Variants in RAP1GDS1 observed in about 807,000 individuals in gnomAD.
RAP1GDS1 encodes RAP1, GTP-GDP dissociation stimulator 1.
A neutral mutation model predicts 71.1 loss-of-function variants in RAP1GDS1; 35 were observed. That is an observed-to-expected ratio of 0.49 (90% confidence interval 0.38 to 0.65). The LOEUF (loss-of-function observed/expected upper bound fraction) is 0.65, where lower values mean the gene tolerates loss of function less well. Ranked by LOEUF, RAP1GDS1 falls within the 30% of genes least tolerant of loss-of-function variation. The probability of loss-of-function intolerance (pLI) is 0.00; values close to 1 mark genes in which losing one functional copy is unlikely to be tolerated. For missense variants in RAP1GDS1, 663 were observed against 706.1 expected (o/e 0.94, Z 0.69); for synonymous variants, 229 against 243.1 (o/e 0.94, Z 0.54).
chr4:98,291,395 A>G (rs1253097361), intron 1 of RAP1GDS1, among the ~76,000 whole-genome samples: 1 of 152,194 alleles, frequency 6.6e-6, no homozygotes, highest in Non-Finnish European at 1.5e-5. Context: ...AGAGGCTGAC[A>G]AATTTTCATT....
chr4:98,437,171 G>T, intron 14 of RAP1GDS1, 103 bp downstream of exon 14: 1 of 1,221,826 alleles, frequency 8.2e-7, no homozygotes, highest in Admixed American at 3.2e-5. Context: ...AAAGCCGTTA[G>T]AAATTAGTTT....
At position 98,379,157 on chromosome 4, in the gene RAP1GDS1, G is replaced by A. The variant is rs1163273673; in HGVS notation, c.502G>A (p.Glu168Lys). ...TGGCATGCTGATGAACTATAGCAAT[G>A]AGAATGGTAAACAAAACTGAAAACT... Reference protein sequence around the residue: ...FCGMLMNYSNENDSLQAQLIN... With the variant: ...FCGMLMNYSNKNDSLQAQLIN... Residue 168 changes from glutamate to lysine, a missense_variant, in exon 5 of 15, where the codon GAG (glutamate) becomes AAG (lysine). By Grantham distance (56) the Glu-to-Lys change is moderately conservative. Coordinates refer to ENST00000408927, the MANE Select transcript of RAP1GDS1 (RefSeq NM_001100427.2). 2 of 1,589,160 alleles carry A rather than the reference G, an allele frequency of 1.3e-6. No individual in the cohort carries two copies. The highest frequency in any genetic ancestry group is 1.4e-5 in the African/African-American group (1 of 73,358).
intron 10 of RAP1GDS1, among the ~76,000 whole-genome samples, chr4:98,419,532 C>CTAT (rs1748501326): frequency 6.6e-6 from 1 of 152,108 alleles, no homozygotes; most frequent in African/African-American, 2.4e-5. Context: ...ATAGTTAAAA[C>CTAT]TATTCTTTTA....
chr4:98,265,249 A>G (rs1415231780), intron 1 of RAP1GDS1, among the ~76,000 whole-genome samples: 1 of 152,206 alleles, frequency 6.6e-6, no homozygotes, highest in African/African-American at 2.4e-5. Context: ...CCCATTGAGT[A>G]TGGAATTGAG....
At chr4:98,359,079 C>T (rs1164991778) in intron 4 of RAP1GDS1, among the ~76,000 whole-genome samples, 1 of 151,938 alleles carries the variant, frequency 6.6e-6, no homozygotes, top group Non-Finnish European at 1.5e-5. Flanking sequence ...TAGCTCACAG[C>T]AGTAATTTTA....
At chr4:98,381,229 G>A (rs1045292585) in intron 5 of RAP1GDS1, among the ~76,000 whole-genome samples, 2 of 151,410 alleles carry the variant, frequency 1.3e-5, no homozygotes, top group African/African-American at 4.8e-5. Context: ...AAAAGCTGCA[G>A]TTTGCAGCTT....
chr4:98,398,764 CA>C (rs1234846208), intron 6 of RAP1GDS1, among the ~76,000 whole-genome samples: 1 of 152,222 alleles, frequency 6.6e-6, no homozygotes, highest in East Asian at 1.9e-4. Context: ...ATGCAAAAAT[CA>C]GTAGCATTTC....
intron 1 of RAP1GDS1, among the ~76,000 whole-genome samples, chr4:98,284,594 A>G (rs1339130604): frequency 1.3e-5 from 2 of 152,112 alleles, no homozygotes; most frequent in Non-Finnish European, 2.9e-5. Flanking sequence ...AGAACTTCCT[A>G]CCACTCATTA....
At chr4:98,339,533 T>C (rs966502026) in intron 2 of RAP1GDS1, among the ~76,000 whole-genome samples, 3 of 152,082 alleles carry the variant, frequency 2.0e-5, no homozygotes, top group African/African-American at 7.2e-5. Flanking sequence ...CTTTTTTTTT[T>C]AAACAAGACT....
intron 2 of RAP1GDS1, among the ~76,000 whole-genome samples, chr4:98,299,949 T>G (rs1313475658): frequency 1.3e-5 from 2 of 152,144 alleles, no homozygotes; most frequent in East Asian, 3.9e-4. Context: ...TGGAATCTAC[T>G]CCTGGTGAAG....
rs1036778486 is a variant in RAP1GDS1, at chr4:98,425,149, T to C, written c.1440+3755T>C. ...ATCCAGTGAAACTAAGCTTCATAAA[T>C]GAAGGAAAGATACAGTGTGTTTCAG... On this transcript the variant is annotated intron_variant, in intron 12 of 14. Transcript: ENST00000408927. Among the ~76,000 whole-genome samples, 7 of 152,170 alleles carry C rather than the reference T, an allele frequency of 4.6e-5. No individual in the cohort carries two copies. The East Asian group carries it at 9.7e-4, about 21-fold the overall frequency.
chr4:98,313,490 G>A (rs1439711904), intron 2 of RAP1GDS1, among the ~76,000 whole-genome samples: 3 of 152,196 alleles, frequency 2.0e-5, no homozygotes, highest in Non-Finnish European at 4.4e-5. Flanking sequence ...TTGTACAATA[G>A]TTATATGTTG....
chr4:98,416,346 T>G (rs913672866), intron 7 of RAP1GDS1, among the ~76,000 whole-genome samples: 5 of 123,966 alleles, frequency 4.0e-5, no homozygotes, highest in Admixed American at 2.4e-4. Flanking sequence ...TTTTTTTTTT[T>G]TTTTTTTTTT....
chr4:98,278,077 C>T (rs1371826971), intron 1 of RAP1GDS1, among the ~76,000 whole-genome samples: 1 of 152,098 alleles, frequency 6.6e-6, no homozygotes, highest in African/African-American at 2.4e-5. Context: ...AGCCTTTAGT[C>T]CAACCAAGTT....
chr4:98,310,030 A>G (rs561275746), intron 2 of RAP1GDS1, among the ~76,000 whole-genome samples: 11 of 152,088 alleles, frequency 7.2e-5, no homozygotes, highest in Non-Finnish European at 1.5e-4. Context: ...CTGTTGTGCT[A>G]TGTCATACTG....
intron 2 of RAP1GDS1, among the ~76,000 whole-genome samples, chr4:98,321,289 G>A (rs1452951256): frequency 2.7e-5 from 4 of 149,046 alleles, no homozygotes; most frequent in African/African-American, 9.9e-5. Flanking sequence ...CCAAATCTAC[G>A]TCTGATTGGT....
intron 1 of RAP1GDS1, among the ~76,000 whole-genome samples, chr4:98,281,203 A>G (rs1725034503): frequency 1.3e-5 from 2 of 152,188 alleles, no homozygotes; most frequent in Admixed American, 1.3e-4. Flanking sequence ...TACTTTGGGC[A>G]GTATGGCCAT....
intron 2 of RAP1GDS1, among the ~76,000 whole-genome samples, chr4:98,304,973 G>GTGCTC (rs763506735): frequency 3.6e-4 from 54 of 151,772 alleles, no homozygotes; most frequent in Admixed American, 9.2e-4. Context: ...AGAGCAGATG[G>GTGCTC]TTCTAGATGT....
intron 2 of RAP1GDS1, among the ~76,000 whole-genome samples, chr4:98,316,298 G>T (rs1730932257): frequency 6.6e-6 from 1 of 152,052 alleles, no homozygotes. Flanking sequence ...TTTTCAATGA[G>T]GTTTAAAAAA....
Sources: allele counts gnomAD v4.1 joint callset (sites outside exome capture counted in the v4.1 genomes callset), GRCh38; gene constraint gnomAD v4.1.1; transcripts MANE v1.5; gene names NCBI Gene and HGNC (gene_info 2026-07-23, HGNC 2026-07-21).